The following PCED1B variants were observed in gnomAD, a reference collection of about 807,000 sequenced individuals.
The protein encoded by PCED1B is PC-esterase domain-containing protein 1B.
For synonymous variants in PCED1B, 251 were observed against 246.1 expected (o/e 1.02, Z -0.19); for missense variants, 573 against 573.9 (o/e 1.00, Z 0.02).
intron 2 of PCED1B, among the ~76,000 whole-genome samples, chr12:47,111,482 C>T (rs768209613): frequency 2.2e-4 from 33 of 151,994 alleles, no homozygotes; most frequent in Non-Finnish European, 4.1e-4. Flanking sequence ...AGTTAGGGGC[C>T]TTAAGTACAT....
chr12:47,192,264 A>G (rs970917615), intron 2 of PCED1B, among the ~76,000 whole-genome samples: 1 of 150,278 alleles, frequency 6.7e-6, no homozygotes, highest in Non-Finnish European at 1.5e-5. Flanking sequence ...AGTAAAACCT[A>G]TTTTTGCTTT....
At chr12:47,132,308 T>C (rs1940166225) in intron 2 of PCED1B, among the ~76,000 whole-genome samples, 4 of 152,080 alleles carry the variant, frequency 2.6e-5, no homozygotes, top group Admixed American at 2.6e-4. Context: ...AACCATTATA[T>C]TGATTAATTT....
chr12:47,082,464 C>T (rs1181809704), intron 1 of PCED1B, among the ~76,000 whole-genome samples: 1 of 152,228 alleles, frequency 6.6e-6, no homozygotes, highest in Admixed American at 6.5e-5. Context: ...CTGAAGGCCA[C>T]TGCATACTTT....
chr12:47,201,614 T>C (rs1212437483), intron 2 of PCED1B, among the ~76,000 whole-genome samples: 1 of 152,110 alleles, frequency 6.6e-6, no homozygotes, highest in Non-Finnish European at 1.5e-5. Flanking sequence ...TCTTTTTTTT[T>C]TTAAGACAAG....
intron 2 of PCED1B, among the ~76,000 whole-genome samples, chr12:47,117,237 G>A (rs908947233): frequency 1.3e-5 from 2 of 152,276 alleles, no homozygotes; most frequent in African/African-American, 4.8e-5. Context: ...TAGGGTACAT[G>A]TGCACAATGT....
intron 2 of PCED1B, among the ~76,000 whole-genome samples, chr12:47,174,223 AC>A (rs1941847479): frequency 6.6e-6 from 1 of 152,178 alleles, no homozygotes; most frequent in East Asian, 1.9e-4. Context: ...AGCCTGGCCA[AC>A]ATGGAGAAAA....
chr12:47,087,593 A>G (rs1938050132), intron 1 of PCED1B, among the ~76,000 whole-genome samples: 1 of 152,246 alleles, frequency 6.6e-6, no homozygotes, highest in South Asian at 2.1e-4. Context: ...AAGGTGGTAT[A>G]GAATTCAATT....
chr12:47,227,031 G>T (rs1943651790), intron 3 of PCED1B, among the ~76,000 whole-genome samples: 1 of 152,066 alleles, frequency 6.6e-6, no homozygotes, highest in Non-Finnish European at 1.5e-5. Flanking sequence ...CTTAGCTTAG[G>T]ATTCTTTCCC....
intron 1 of PCED1B, among the ~76,000 whole-genome samples, chr12:47,092,829 AG>A (rs35366706): frequency 0.14 from 21,827 of 151,984 alleles, 1,801 homozygotes; most frequent in East Asian, 0.38. Flanking sequence ...TTGAATGGTA[AG>A]CCACACTTGT....
At chr12:47,215,410 C>A (rs532094801) in intron 2 of PCED1B, among the ~76,000 whole-genome samples, 1 of 151,980 alleles carries the variant, frequency 6.6e-6, no homozygotes, top group African/African-American at 2.4e-5. Flanking sequence ...CCCACCACCA[C>A]GCCCAGCTAA....
chr12:47,093,368 AT>A (rs142397807), intron 1 of PCED1B, among the ~76,000 whole-genome samples: 9,290 of 147,690 alleles, frequency 0.063, 972 homozygotes, highest in African/African-American at 0.21. Context: ...TGTTTTGTCT[AT>A]TTTTTTTTCT....
intron 1 of PCED1B, among the ~76,000 whole-genome samples, chr12:47,098,920 A>T (rs1938589763): frequency 6.6e-6 from 1 of 152,204 alleles, no homozygotes; most frequent in Non-Finnish European, 1.5e-5. Context: ...TATGAAGTCT[A>T]GCTGGACTTT....
chr12:47,215,842 G>A (rs1370559338), intron 2 of PCED1B, among the ~76,000 whole-genome samples: 1 of 135,380 alleles, frequency 7.4e-6, no homozygotes, highest in African/African-American at 3.0e-5. Flanking sequence ...ATCACCTGAG[G>A]TAAGGAGTTC....
chr12:47,234,693 G>A (rs940762), intron 3 of PCED1B, among the ~76,000 whole-genome samples: 27,438 of 152,120 alleles, frequency 0.18, 2,653 homozygotes, highest in Middle Eastern at 0.27. Flanking sequence ...TCTCATCCCT[G>A]GGGAGGGTGG....
intron 2 of PCED1B, among the ~76,000 whole-genome samples, chr12:47,178,866 C>CAAAAAAA: frequency 1.2e-5 from 1 of 81,284 alleles, no homozygotes; most frequent in Non-Finnish European, 2.5e-5. Context: ...GACTCCATCT[C>CAAAAAAA]AAAAAAAAAA....
chr12:47,197,784 A>G (rs1046624198), intron 2 of PCED1B, among the ~76,000 whole-genome samples: 1 of 152,118 alleles, frequency 6.6e-6, no homozygotes, highest in African/African-American at 2.4e-5. Context: ...CACAAATATG[A>G]TCATTTATAT....
chr12:47,217,787 G>A (rs1328196845), intron 3 of PCED1B, among the ~76,000 whole-genome samples: 1 of 152,136 alleles, frequency 6.6e-6, no homozygotes, highest in Non-Finnish European at 1.5e-5. Flanking sequence ...ATGTTGGCCA[G>A]GCTGATCTTG....
intron 2 of PCED1B, among the ~76,000 whole-genome samples, chr12:47,165,795 G>C (rs1941526026): frequency 6.6e-6 from 1 of 152,110 alleles, no homozygotes; most frequent in Non-Finnish European, 1.5e-5. Flanking sequence ...GGATGACAGA[G>C]GCATAATGTG....
chr12:47,233,062 G>A (rs916316814), intron 3 of PCED1B, among the ~76,000 whole-genome samples: 1 of 151,940 alleles, frequency 6.6e-6, no homozygotes, highest in Non-Finnish European at 1.5e-5. Flanking sequence ...TCAGTCGTGC[G>A]CCACCATGCC....
Sources: gnomAD v4.1 joint callset for allele counts (sites outside exome capture counted in the v4.1 genomes callset) on GRCh38, gnomAD v4.1.1 for gene constraint, MANE v1.5 for transcripts, NCBI Gene and HGNC (gene_info 2026-07-23, HGNC 2026-07-21) for gene names.